The following DHX29 variants were observed in gnomAD, a reference collection of about 807,000 sequenced individuals.
The protein encoded by DHX29 is ATP-dependent RNA helicase DHX29.
A neutral mutation model predicts 167.9 loss-of-function variants in DHX29; 79 were observed. That is an observed-to-expected ratio of 0.47 (90% CI 0.39 to 0.57). The LOEUF (loss-of-function observed/expected upper bound fraction) is 0.57. Ranked by LOEUF, DHX29 falls within the 20% of genes least tolerant of loss-of-function variation. The pLI, the probability that DHX29 is intolerant of heterozygous loss-of-function variation, is 0.00. For synonymous variants in DHX29, 530 were observed against 546.0 expected, an observed-to-expected ratio of 0.97 and a Z score of 0.41; for missense variants, 1,347 against 1,593.4, an observed-to-expected ratio of 0.85 and a Z score of 2.63.
chr5:55,301,920 A>G (rs898872964), intron 1 of DHX29, among the ~76,000 whole-genome samples: 2 of 152,170 alleles, frequency 1.3e-5, no homozygotes, highest in African/African-American at 4.8e-5. Flanking sequence ...ATATAATTAG[A>G]TATTTTAAAA....
At chr5:55,272,046 T>G in intron 18 of DHX29, 41 bp downstream of exon 18, 1 of 1,224,420 alleles carries the variant, frequency 8.2e-7, no homozygotes, top group Non-Finnish European at 1.2e-6. Flanking sequence ...CCAACCTCTT[T>G]CCAGGTTAAA....
rs749081976 is a variant in DHX29 at position 55,283,735 on chromosome 5, T to C, written c.1433A>G (p.Glu478Gly). The change falls in exon 11 of 27, where the codon GAA becomes GGA. Residue 478 changes from glutamate (E) to glycine (G), a missense_variant. Glu to Gly is a moderately conservative substitution (Grantham distance 98). Around this residue, in one of 3 missense-constraint regions of DHX29, gnomAD observed 882 missense variants for 1,082.4 expected, o/e 0.81. Coordinates refer to ENST00000251636, the MANE Select transcript of DHX29 (RefSeq NM_019030.4). ...EWSDAEKKRE[E>G]LNKMETNKPR... is the part of the protein sequence containing the mutation. ...TTTATTGGTTTCCATTTTATTTAAT[T>C]CTTCCCTTTTCTTTTCTGCATCACT... The C allele has an allele frequency of 6.2e-7, 1 of 1,613,714 alleles. No homozygotes were observed.
At chr5:55,259,067 AACTCCTGG>A (rs1746184877) in intron 26 of DHX29, among the ~76,000 whole-genome samples, 1 of 152,150 alleles carries the variant, frequency 6.6e-6, no homozygotes, top group Non-Finnish European at 1.5e-5. Context: ...GCTGGACTTT[AACTCCTGG>A]GCTCAAGCAA....
chr5:55,305,489 T>C (rs1748814350), intron 1 of DHX29, among the ~76,000 whole-genome samples: 1 of 152,226 alleles, frequency 6.6e-6, no homozygotes, highest in Admixed American at 6.5e-5. Context: ...TTGGATTTTA[T>C]TGCAAAGTCA....
In DHX29 at chr5:55,278,490, GCAAAGCCCTTAGAA is replaced by G. The variant is rs529485218; in HGVS notation, c.2110-1222_2110-1209del. 2.4e-3 allele frequency among the ~76,000 whole-genome samples: 369 copies of G among 152,298 alleles called. 1 individual carries two copies. Among genetic ancestry groups the G allele is most frequent in the African/African-American group, 8.3e-3 (344 of 41,572 alleles). On this transcript the variant is annotated intron_variant, in intron 12 of 26. Coordinates refer to ENST00000251636, the MANE Select transcript of DHX29 (RefSeq NM_019030.4). ...AGTTGTGACAATCAAATGAGATAAT[GCAAAGCCCTTAGAA>G]CAAAGCCCAACAATAAGTACTCAGC...
Position 55,274,945 on chromosome 5 carries a change from G to C in DHX29, c.2493C>G (p.Ser831Arg). 6.2e-7 allele frequency: 1 copy of C among 1,613,938 alleles called. No individual in the cohort carries two copies. The highest frequency in any genetic ancestry group is 8.5e-7 in the Non-Finnish European group (1 of 1,179,932). ...TGTATAGAATAGCATGCTGAGTGCG[G>C]CTGCTGTACTTTTGGTAAAATGGAT... The part of the protein sequence containing the change: ...DLNPFYQKYS[S>R]RTQHAILYMN... Residue 831 changes from serine to arginine, a missense_variant, in exon 15 of 27, where the codon AGC becomes AGG. This residue lies in a region of DHX29 where 882 missense variants were observed against 1,082.4 expected (regional missense o/e 0.81). Transcript: ENST00000251636.
At chr5:55,297,433 C>T (rs1579817083) in intron 2 of DHX29, 35 bp from the exon 3 acceptor site, 1 of 867,456 alleles carries the variant, frequency 1.2e-6, no homozygotes, top group Non-Finnish European at 1.9e-6. Flanking sequence ...CATTTAGAAG[C>T]TAAATTATTA....
At chr5:55,289,514 A>G in intron 7 of DHX29, 86 bp from the exon 8 acceptor site, 1 of 1,124,604 alleles carries the variant, frequency 8.9e-7, no homozygotes, top group East Asian at 3.1e-5. Context: ...GTATTTATAC[A>G]CCAAGAGTTT....
intron 16 of DHX29, among the ~76,000 whole-genome samples, chr5:55,273,784 A>C (rs1472581400): frequency 1.3e-5 from 2 of 152,256 alleles, no homozygotes; most frequent in Admixed American, 1.3e-4. Flanking sequence ...CCCTCTGCTT[A>C]ATCTTAAGAA....
At chr5:55,269,076 T>C (rs957688774) in intron 21 of DHX29, among the ~76,000 whole-genome samples, 2 of 151,762 alleles carry the variant, frequency 1.3e-5, no homozygotes, top group Non-Finnish European at 2.9e-5. Flanking sequence ...TGAAACCCCA[T>C]CTCTACTAAA....
At chr5:55,263,493 C>A (rs73755371) in intron 23 of DHX29, among the ~76,000 whole-genome samples, 1 of 151,998 alleles carries the variant, frequency 6.6e-6, no homozygotes, top group East Asian at 1.9e-4. Context: ...TTTCAAAGTA[C>A]ACAGGATACA....
chr5:55,261,642 C>A, intron 24 of DHX29, 143 bp from the exon 25 acceptor site: 1 of 626,452 alleles, frequency 1.6e-6, no homozygotes, highest in Non-Finnish European at 2.8e-6. Context: ...TTTTCATTTT[C>A]TTATGTGCAT....
intron 1 of DHX29, among the ~76,000 whole-genome samples, chr5:55,299,959 C>T (rs2111973673): frequency 6.6e-6 from 1 of 152,182 alleles, no homozygotes. Context: ...GTCTCATGAC[C>T]CCTTACTCTC....
chr5:55,298,672 T>C lies in DHX29; in HGVS notation c.188-8A>G. On this transcript the variant is annotated splice_region_variant and splice_polypyrimidine_tract_variant and intron_variant, in intron 1 of 26. Transcript: ENST00000251636. Reference sequence around the variant, plus strand: ...AACTATAAATTTTTGGACCTGTAAATACAAATAGACAAGGCAATTTAATGA... The same window carrying C: ...AACTATAAATTTTTGGACCTGTAAACACAAATAGACAAGGCAATTTAATGA... The C allele has an allele frequency of 7.4e-7, 1 of 1,353,684 alleles. No individual in the cohort carries two copies. Among genetic ancestry groups the C allele is most frequent in the Non-Finnish European group, 1.1e-6 (1 of 947,628 alleles). The allele number at this position is 1,353,684 out of a possible 1,614,324, so 83.9% of individuals were successfully genotyped here. A position where few individuals can be genotyped will look rare whatever the true frequency, so the allele number is the denominator to read the frequency against.
At position 55,307,554 on chromosome 5, in the gene DHX29, T is replaced by C; in HGVS notation, c.20A>G (p.Lys7Arg). 6.2e-7 allele frequency: 1 copy of C among 1,613,678 alleles called. No individual in the cohort carries two copies. The highest frequency in any genetic ancestry group is 8.5e-7 in the Non-Finnish European group (1 of 1,179,962). ...CACCGCGGCCGCTGGAGCCTTGTGT[T>C]TCTTGTTCTTGCCGCCCATGTTGCA... MGGKNKKHKAPAAAVVR... is the reference protein window; with the variant it reads MGGKNKRHKAPAAAVVR... Residue 7 changes from lysine to arginine, a missense_variant, in exon 1 of 27, where the codon AAA becomes AGA. This residue lies in a region of DHX29 where 405 missense variants were observed against 416.8 expected (regional missense o/e 0.97). Coordinates refer to ENST00000251636, the MANE Select transcript of DHX29 (RefSeq NM_019030.4).
In DHX29 at chr5:55,270,724, G is replaced by C. The variant is rs1746814020; in HGVS notation, c.2865-18C>G. 1 of 1,599,386 alleles carries C rather than the reference G, an allele frequency of 6.3e-7. No homozygotes were observed. Among genetic ancestry groups the C allele is most frequent in the Non-Finnish European group, 8.6e-7 (1 of 1,167,166 alleles). ...CATGGTACCTAAAGAAATGTTTTAG[G>C]AGAGAATATGTAGATAATTGACTTA... On this transcript the variant is annotated intron_variant, in intron 18 of 26. Coordinates refer to ENST00000251636, the MANE Select transcript of DHX29 (RefSeq NM_019030.4).
chr5:55,260,438 G>A (rs1018578102), intron 25 of DHX29, among the ~76,000 whole-genome samples: 1 of 151,618 alleles, frequency 6.6e-6, no homozygotes, highest in Non-Finnish European at 1.5e-5. Context: ...TCACCATGTT[G>A]GTCAGGCTGG....
rs1746562284 is a variant in DHX29 at position 55,266,253 on chromosome 5, T to C, written c.3525+885A>G. ...ACCTCATGATCCACCCGCCTCGGCC[T>C]CCCAAAGTGCTAGATTACAGGCATG... On this transcript the variant is annotated intron_variant, in intron 23 of 26. Coordinates refer to ENST00000251636, the MANE Select transcript of DHX29 (RefSeq NM_019030.4). 4.6e-5 allele frequency among the ~76,000 whole-genome samples: 7 copies of C among 151,524 alleles called. No individual in the cohort carries two copies. The South Asian group carries it at 1.5e-3, about 32-fold the overall frequency.
intron 23 of DHX29, among the ~76,000 whole-genome samples, chr5:55,264,718 A>G (rs1473117062): frequency 6.6e-6 from 1 of 152,214 alleles, no homozygotes; most frequent in Non-Finnish European, 1.5e-5. Flanking sequence ...TAAATCATTA[A>G]GTTCATAACA....
Sources: gnomAD v4.1 joint callset for allele counts (sites outside exome capture counted in the v4.1 genomes callset) on GRCh38, gnomAD v4.1.1 for gene constraint, gnomAD v4.1.1 regional missense constraint, MANE v1.5 for transcripts, NCBI Gene and HGNC (gene_info 2026-07-23, HGNC 2026-07-21) for gene names.